Variants in OR9Q1 observed in about 807,000 individuals in gnomAD.
The protein encoded by OR9Q1 is olfactory receptor 9Q1.
For synonymous variants in OR9Q1, 153 were observed against 148.6 expected (o/e 1.03, Z -0.22); for missense variants, 374 against 378.8 (o/e 0.99, Z 0.11).
At chr11:58,048,200 TAGG>T in intron 1 of OR9Q1, among the ~76,000 whole-genome samples, 2 of 152,254 alleles carry the variant, frequency 1.3e-5, no homozygotes, top group Middle Eastern at 6.8e-3. Flanking sequence ...GATTGGTACC[TAGG>T]ATAGAAAAAC....
chr11:58,165,701 T>C (rs890800234), intron 2 of OR9Q1, among the ~76,000 whole-genome samples: 4 of 152,178 alleles, frequency 2.6e-5, no homozygotes, highest in African/African-American at 9.7e-5. Context: ...TGAGTATTTA[T>C]TGACTGAAGG....
At chr11:58,126,300 T>C (rs1026686191) in intron 2 of OR9Q1, among the ~76,000 whole-genome samples, 19 of 152,308 alleles carry the variant, frequency 1.2e-4, no homozygotes, top group African/African-American at 4.1e-4. Context: ...TCTCATCTCC[T>C]CTGCTGGATT....
At chr11:58,133,984 C>T (rs1436120776) in intron 2 of OR9Q1, among the ~76,000 whole-genome samples, 5 of 152,106 alleles carry the variant, frequency 3.3e-5, no homozygotes, top group African/African-American at 1.2e-4. Flanking sequence ...GGCAGTGAAG[C>T]CTCAGATTCC....
At chr11:58,097,294 G>C (rs58776397) in intron 2 of OR9Q1, among the ~76,000 whole-genome samples, 3,741 of 152,256 alleles carry the variant, frequency 0.025, 155 homozygotes, top group African/African-American at 0.083. Context: ...AAGCTTCTGA[G>C]GACATTCTTA....
Position 58,069,400 on chromosome 11 carries a change from C to G in OR9Q1, c.-15+13453C>G, listed in dbSNP as rs543573616. ...CTCTGGAAGGAGGCATATTCTCTTT[C>G]TCAGCTACACCTGAGGAGGCTGGTT... On this transcript the variant is annotated intron_variant, in intron 2 of 2. Coordinates refer to ENST00000335397, the MANE Select transcript of OR9Q1 (RefSeq NM_001005212.4). 5.3e-5 allele frequency among the ~76,000 whole-genome samples: 8 copies of G among 152,252 alleles called. No homozygotes were observed. In the South Asian group the frequency reaches 1.2e-3, roughly 24 times the overall value.
chr11:58,065,493 A>G (rs1470360985), intron 2 of OR9Q1, among the ~76,000 whole-genome samples: 1 of 152,320 alleles, frequency 6.6e-6, no homozygotes, highest in East Asian at 1.9e-4. Flanking sequence ...ATCTTTTTGG[A>G]GAGGAACTGC....
chr11:58,068,197 AAT>A (rs1853448546), intron 2 of OR9Q1, among the ~76,000 whole-genome samples: 1 of 122,548 alleles, frequency 8.2e-6, no homozygotes, highest in African/African-American at 3.1e-5. Flanking sequence ...AAAAAAAAAA[AAT>A]TAGCTGGACA....
intron 1 of OR9Q1, chr11:58,031,947 A>G (rs762544378): frequency 1.7e-6 from 2 of 1,177,976 alleles, no homozygotes; most frequent in Admixed American, 3.9e-5. Flanking sequence ...TTGGATATTT[A>G]AAAACAGGTT....
At chr11:58,150,040 A>G (rs1854334972) in intron 2 of OR9Q1, among the ~76,000 whole-genome samples, 1 of 152,158 alleles carries the variant, frequency 6.6e-6, no homozygotes, top group Admixed American at 6.6e-5. Context: ...TTGAGGAACC[A>G]CCTACTGTTT....
intron 2 of OR9Q1, among the ~76,000 whole-genome samples, chr11:58,098,879 T>A (rs1377262698): frequency 6.6e-6 from 1 of 152,182 alleles, no homozygotes; most frequent in Non-Finnish European, 1.5e-5. Context: ...AATCATCCCA[T>A]TAAGTTTCAT....
At chr11:58,099,222 T>G (rs1221659174) in intron 2 of OR9Q1, among the ~76,000 whole-genome samples, 2 of 149,676 alleles carry the variant, frequency 1.3e-5, no homozygotes, top group South Asian at 2.1e-4. Flanking sequence ...TTATTTATCC[T>G]AAATGATTTT....
chr11:58,086,538 T>C (rs1853635616), intron 2 of OR9Q1, among the ~76,000 whole-genome samples: 1 of 151,586 alleles, frequency 6.6e-6, no homozygotes. Context: ...ATCAGTATCT[T>C]AAAAAAAATC....
intron 2 of OR9Q1, among the ~76,000 whole-genome samples, chr11:58,095,885 C>T (rs919217624): frequency 5.9e-5 from 9 of 152,050 alleles, no homozygotes; most frequent in East Asian, 3.9e-4. Context: ...GACTTAAATA[C>T]GCATCAAAGT....
Position 58,179,870 on chromosome 11 carries a change from G to C in OR9Q1, c.426G>C (p.Leu142Phe). Residue 142 changes from leucine (L) to phenylalanine (F), a missense_variant, in exon 3 of 3, where the codon TTG becomes TTC. Coordinates refer to ENST00000335397, the MANE Select transcript of OR9Q1 (RefSeq NM_001005212.4). ...CCATCCTGACACAGCAGGCCCGCTT[G>C]AGTCTTGTGGCTGGGGCTTACGTTG... ...YVTILTQQAR[L>F]SLVAGAYVAG... 6 of 1,614,152 alleles carry C rather than the reference G, an allele frequency of 3.7e-6. No homozygotes were observed. The highest frequency in any genetic ancestry group is 5.1e-6 in the Non-Finnish European group (6 of 1,180,014).
At chr11:58,053,624 T>TA (rs1290995331) in intron 1 of OR9Q1, among the ~76,000 whole-genome samples, 1 of 109,636 alleles carries the variant, frequency 9.1e-6, no homozygotes, top group Non-Finnish European at 1.7e-5. Flanking sequence ...TATATATATA[T>TA]ATAAAATATA....
intron 2 of OR9Q1, among the ~76,000 whole-genome samples, chr11:58,067,316 A>T (rs1005861383): frequency 6.6e-6 from 1 of 151,964 alleles, no homozygotes; most frequent in Non-Finnish European, 1.5e-5. Context: ...GATTATAGGC[A>T]TGCGCCACCA....
chr11:58,048,074 A>G (rs998813146), intron 1 of OR9Q1, among the ~76,000 whole-genome samples: 10 of 152,202 alleles, frequency 6.6e-5, no homozygotes, highest in Admixed American at 2.6e-4. Context: ...GATCTGAAAC[A>G]CTAGATCTTG....
At chr11:58,076,174 C>T (rs972213061) in intron 2 of OR9Q1, among the ~76,000 whole-genome samples, 1 of 152,188 alleles carries the variant, frequency 6.6e-6, no homozygotes, top group Non-Finnish European at 1.5e-5. Context: ...TTTTAGTTTA[C>T]AAGTAATTTT....
rs34375940 is a variant in OR9Q1 at position 58,056,987 on chromosome 11, GTTTTTTTTTTTT to G, written c.-15+1054_-15+1065del. ...AGGCTTCCATGGTTATACAATTCAG[GTTTTTTTTTTTT>G]TTTTTTTTTTTTTGAGATGGAGTCT... is the stretch of plus-strand genomic sequence containing the variant. On this transcript the variant is annotated intron_variant, in intron 2 of 2. Coordinates refer to ENST00000335397, the MANE Select transcript of OR9Q1 (RefSeq NM_001005212.4). Among the ~76,000 whole-genome samples, 5 of 68,782 alleles carry G rather than the reference GTTTTTTTTTTTT, an allele frequency of 7.3e-5. 1 individual carries two copies. The South Asian group carries it at 3.1e-3, about 42-fold the overall frequency. 45.1% of individuals were successfully genotyped at this position (68,782 alleles called of 152,430 possible).
Sources: allele counts gnomAD v4.1 joint callset (sites outside exome capture counted in the v4.1 genomes callset), GRCh38; gene constraint gnomAD v4.1.1; transcripts MANE v1.5; gene names NCBI Gene and HGNC (gene_info 2026-07-23, HGNC 2026-07-21).